Variants in ADCY2 observed in about 807,000 individuals in gnomAD.
ADCY2 encodes the protein adenylate cyclase type 2.
ADCY2 carries 31 observed loss-of-function variants against 125.2 expected under a neutral mutation model. The ratio of observed to expected loss-of-function variants is 0.25; its 90% CI spans 0.19 to 0.33. ADCY2 has a LOEUF of 0.33. Among genes scored for constraint, ADCY2 ranks in the 10% least tolerant of loss-of-function variants. ADCY2 has a pLI of 1.00. For synonymous variants in ADCY2, 512 were observed against 548.4 expected (o/e 0.93, Z 0.93); for missense variants, 904 against 1,418.2 (o/e 0.64, Z 5.82).
At chr5:7,625,923 C>A in intron 3 of ADCY2, among the ~76,000 whole-genome samples, 1 of 152,160 alleles carries the variant, frequency 6.6e-6, no homozygotes, top group South Asian at 2.1e-4. Context: ...CATGGCTAAG[C>A]CCAAAGTCAA....
Position 7,698,351 on chromosome 5 carries a change from G to T in ADCY2, c.1086G>T (p.Gly362=), listed in dbSNP as rs757990046. 6.2e-7 allele frequency: 1 copy of T among 1,614,144 alleles called. No homozygotes were observed. The highest frequency in any genetic ancestry group is 1.1e-5 in the South Asian group (1 of 91,076). Residue 362 remains glycine (G), a synonymous_variant, in exon 7 of 25, where the codon GGG becomes GGT. Coordinates refer to ENST00000338316, the MANE Select transcript of ADCY2 (RefSeq NM_020546.3). ...ATGCCAAGAACTGTGTGAAAATGGG[G>T]CTGGACATGTGTGAAGCCATAAAGT... The part of the protein sequence containing the change: ...PNHAKNCVKM[G]LDMCEAIKKV...
intron 3 of ADCY2, among the ~76,000 whole-genome samples, chr5:7,575,318 G>C (rs1288842086): frequency 6.6e-6 from 1 of 151,722 alleles, no homozygotes; most frequent in African/African-American, 2.4e-5. Context: ...TGTTTCCCGT[G>C]CATTAAAATA....
intron 4 of ADCY2, among the ~76,000 whole-genome samples, chr5:7,645,257 G>A (rs1020301635): frequency 6.6e-6 from 1 of 152,156 alleles, no homozygotes; most frequent in Admixed American, 6.6e-5. Context: ...GAAAGTCCAT[G>A]GGAAGTAGCC....
intron 4 of ADCY2, among the ~76,000 whole-genome samples, chr5:7,688,247 C>T (rs1266022947): frequency 1.3e-5 from 2 of 150,194 alleles, no homozygotes; most frequent in African/African-American, 4.9e-5. Flanking sequence ...AGGATATGAC[C>T]AGAGAGATCT....
In ADCY2 at chr5:7,396,945, T is replaced by C. The variant is rs186573430; in HGVS notation, c.210+439T>C. ...CATGGCCCCACAGTTGGCATTTTAGTTGGGATTGGGCGTTATTCAACTCTG... is the reference window on the plus strand; with the variant it reads ...CATGGCCCCACAGTTGGCATTTTAGCTGGGATTGGGCGTTATTCAACTCTG... On this transcript the variant is annotated intron_variant, in intron 1 of 24. Transcript: ENST00000338316. This position sits in a 1 kb window ranked among gnomAD's most constrained non-coding sequence, Gnocchi z 5.7. 6.4e-4 allele frequency among the ~76,000 whole-genome samples: 97 copies of C among 152,284 alleles called. 2 individuals are homozygous for C. The East Asian group carries it at 0.018, about 28-fold the overall frequency.
chr5:7,564,353 A>G (rs1230732811), intron 3 of ADCY2, among the ~76,000 whole-genome samples: 1 of 152,216 alleles, frequency 6.6e-6, no homozygotes, highest in African/African-American at 2.4e-5. Context: ...TAATGTACTT[A>G]CTGAGAAGTT....
In ADCY2 at chr5:7,464,643, T is replaced by C. The variant is rs947944320; in HGVS notation, c.408+49873T>C. On this transcript the variant is annotated intron_variant, in intron 2 of 24. Transcript: ENST00000338316. Reference sequence around the variant, plus strand: ...AGAGCTGGGGTGGGGTGCAGGGCTCTCTGTTATACTCGATATGCAGTCAAA... The same window carrying C: ...AGAGCTGGGGTGGGGTGCAGGGCTCCCTGTTATACTCGATATGCAGTCAAA... 1.2e-4 allele frequency among the ~76,000 whole-genome samples: 18 copies of C among 152,264 alleles called. No individual in the cohort carries two copies. In the East Asian group the frequency reaches 3.3e-3, roughly 28 times the overall value.
At chr5:7,403,467 G>A (rs1364447268) in intron 1 of ADCY2, among the ~76,000 whole-genome samples, 1 of 152,128 alleles carries the variant, frequency 6.6e-6, no homozygotes. Context: ...GCATAAAATA[G>A]AATTACTCAT....
chr5:7,691,068 C>T, intron 5 of ADCY2: 2 of 358,516 alleles, frequency 5.6e-6, no homozygotes, highest in Non-Finnish European at 9.6e-6. Context: ...ATTGAGTTGT[C>T]CTTCATAGCC....
chr5:7,596,718 A>G (rs559811919), intron 3 of ADCY2, among the ~76,000 whole-genome samples: 2 of 152,316 alleles, frequency 1.3e-5, no homozygotes, highest in East Asian at 3.9e-4. Context: ...TAAAAGCTGC[A>G]TCTACCCCAC....
At chr5:7,711,843 T>C (rs1741450768) in intron 10 of ADCY2, among the ~76,000 whole-genome samples, 1 of 152,222 alleles carries the variant, frequency 6.6e-6, no homozygotes, top group Non-Finnish European at 1.5e-5. Flanking sequence ...TAGCATACTT[T>C]AAGAAAGCCC....
intron 2 of ADCY2, among the ~76,000 whole-genome samples, chr5:7,432,422 G>C (rs537346749): frequency 2.6e-4 from 39 of 152,242 alleles, no homozygotes; most frequent in African/African-American, 8.9e-4. Context: ...GGGGCTTCAG[G>C]GGTCATGGGT....
intron 14 of ADCY2, among the ~76,000 whole-genome samples, chr5:7,734,026 T>G (rs189488616): frequency 2.6e-4 from 39 of 152,368 alleles, no homozygotes; most frequent in African/African-American, 9.1e-4. Context: ...CCCTTTCATT[T>G]TGAAGTTCTA....
intron 4 of ADCY2, among the ~76,000 whole-genome samples, chr5:7,673,522 C>T (rs1050117533): frequency 2.0e-5 from 3 of 152,052 alleles, no homozygotes; most frequent in African/African-American, 7.2e-5. Flanking sequence ...TTCTGCACCT[C>T]AGCACTGTGG....
chr5:7,643,397 C>G (rs1350881623), intron 4 of ADCY2, among the ~76,000 whole-genome samples: 2 of 152,030 alleles, frequency 1.3e-5, no homozygotes, highest in Non-Finnish European at 2.9e-5. Flanking sequence ...AGCTCATATG[C>G]ATTACTCTTC....
chr5:7,709,226 C>A lies in ADCY2; in HGVS notation c.1417C>A (p.Pro473Thr). Residue 473 changes from proline (P) to threonine (T), a missense_variant, in exon 10 of 25, where the codon CCC (proline) becomes ACC (threonine). Coordinates refer to ENST00000338316, the MANE Select transcript of ADCY2 (RefSeq NM_020546.3). The surrounding 1 kb of genome is among the most constrained non-coding windows in gnomAD (Gnocchi z 4.4). ...VINPKGERRS[P>T]QHLFRPRHTL... is the part of the protein sequence containing the mutation. ...TCACCCCAAGGGAGAACGACGGAGCCCCCAGCATCTCTTCAGACCTCGCCA... is the reference window on the plus strand; with the variant it reads ...TCACCCCAAGGGAGAACGACGGAGCACCCAGCATCTCTTCAGACCTCGCCA... 6.2e-7 allele frequency: 1 copy of A among 1,611,404 alleles called. No homozygotes were observed. Among genetic ancestry groups the A allele is most frequent in the Non-Finnish European group, 8.5e-7 (1 of 1,178,740 alleles).
At chr5:7,637,774 C>T (rs1223984219) in intron 4 of ADCY2, among the ~76,000 whole-genome samples, 3 of 151,946 alleles carry the variant, frequency 2.0e-5, no homozygotes, top group South Asian at 2.1e-4. Flanking sequence ...AAAAATAAAC[C>T]AACTGATCCT....
intron 3 of ADCY2, among the ~76,000 whole-genome samples, chr5:7,557,428 A>C (rs912503631): frequency 5.3e-5 from 8 of 152,030 alleles, no homozygotes; most frequent in African/African-American, 1.9e-4. Flanking sequence ...TTATATAGGT[A>C]AACTTGTGTC....
chr5:7,650,760 G>A (rs1739060376), intron 4 of ADCY2, among the ~76,000 whole-genome samples: 1 of 152,108 alleles, frequency 6.6e-6, no homozygotes, highest in African/African-American at 2.4e-5. Context: ...ATGGAGTAAG[G>A]GTCAATTTAA....
Sources: gnomAD v4.1 joint callset for allele counts (sites outside exome capture counted in the v4.1 genomes callset) on GRCh38, gnomAD v4.1.1 for gene constraint, Gnocchi (gnomAD v3.1) non-coding constraint, MANE v1.5 for transcripts, NCBI Gene and HGNC (gene_info 2026-07-23, HGNC 2026-07-21) for gene names.